SBNO1: variants seen among roughly 807,000 people sequenced by gnomAD.
The protein encoded by SBNO1 is strawberry notch homolog 1.
Under a neutral mutation model 173.6 loss-of-function variants are expected in SBNO1, and 23 were observed. The observed-to-expected ratio is 0.13, with a 90% confidence interval of 0.10 to 0.19. SBNO1 has a LOEUF of 0.19. Ranked by LOEUF, SBNO1 falls within the 10% of genes least tolerant of loss-of-function variation. The probability of loss-of-function intolerance (pLI) is 1.00; values close to 1 mark genes in which losing one functional copy is unlikely to be tolerated. For synonymous variants in SBNO1, 632 were observed against 571.5 expected (o/e 1.11, Z -1.51); for missense variants, 1,238 against 1,671.2 (o/e 0.74, Z 4.52).
Position 123,328,782 on chromosome 12 carries a change from A to G in SBNO1, c.1248T>C (p.Thr416=). 6.2e-7 allele frequency: 1 copy of G among 1,606,426 alleles called. No homozygotes were observed. Among genetic ancestry groups the G allele is most frequent in the South Asian group, 1.1e-5 (1 of 89,740 alleles). The change falls in exon 10 of 32, where the codon ACT becomes ACC. Residue 416 remains threonine, a synonymous_variant. Coordinates refer to ENST00000602398, the MANE Select transcript of SBNO1 (RefSeq NM_001167856.3). ...ACCAATGCAGAAGTTGTTTTAACCTAGTTTTATACTTGCCGCCAGACTGGC... is the reference window on the plus strand; with the variant it reads ...ACCAATGCAGAAGTTGTTTTAACCTGGTTTTATACTTGCCGCCAGACTGGC... ...GESQSGGKYK[T]RLKQLLHWCG... is the part of the protein sequence containing the mutation.
intron 4 of SBNO1, among the ~76,000 whole-genome samples, chr12:123,342,762 C>G (rs1593396321): frequency 6.6e-6 from 1 of 152,152 alleles, no homozygotes; most frequent in Admixed American, 6.5e-5. Flanking sequence ...CTGGAACCAG[C>G]CTTCAGCCTC....
intron 30 of SBNO1, among the ~76,000 whole-genome samples, chr12:123,301,944 T>G (rs1425028282): frequency 6.7e-6 from 1 of 148,774 alleles, no homozygotes; most frequent in Non-Finnish European, 1.5e-5. Context: ...AAAAGTGGTT[T>G]GTTTTTTTTT....
In SBNO1 at chr12:123,327,527, A is replaced by G; in HGVS notation, c.1591T>C (p.Tyr531His). The G allele has an allele frequency of 1.2e-6, 2 of 1,613,952 alleles. No homozygotes were observed. Among genetic ancestry groups the G allele is most frequent in the Non-Finnish European group, 1.7e-6 (2 of 1,179,850 alleles). The change falls in exon 13 of 32, where the codon TAC (tyrosine) becomes CAC (histidine). Residue 531 changes from tyrosine to histidine, a missense_variant. Transcript: ENST00000602398. ...GTAAAGCTCAGTTGTCGAGCAATGT[A>G]CATTCCTCTAAGCTTCATATCCATA... ...VAMDMKLRGM[Y>H]IARQLSFTGV...
chr12:123,302,757 G>A, intron 30 of SBNO1, 67 bp downstream of exon 30: 1 of 934,332 alleles, frequency 1.1e-6, no homozygotes, highest in Non-Finnish European at 1.8e-6. Flanking sequence ...TACTGATAAA[G>A]AGTGAAGGTG....
intron 1 of SBNO1, among the ~76,000 whole-genome samples, chr12:123,361,816 C>T (rs940917356): frequency 6.6e-6 from 1 of 151,918 alleles, no homozygotes; most frequent in South Asian, 2.1e-4. Flanking sequence ...AACTCAGTGT[C>T]TCCCCTTCAG....
At chr12:123,333,876 A>G (rs186374694) in intron 7 of SBNO1, among the ~76,000 whole-genome samples, 177 bp downstream of exon 7, 1 of 152,264 alleles carries the variant, frequency 6.6e-6, no homozygotes, top group African/African-American at 2.4e-5. Flanking sequence ...TCCACTGGAA[A>G]TGCACTATCT....
intron 9 of SBNO1, among the ~76,000 whole-genome samples, chr12:123,329,144 T>C (rs1870901953): frequency 6.6e-6 from 1 of 151,914 alleles, no homozygotes; most frequent in African/African-American, 2.4e-5. Context: ...CTTTGGGAGG[T>C]CAAGGTGGGT....
Position 123,298,050 on chromosome 12 carries a change from C to G in SBNO1, c.3967G>C (p.Ala1323Pro). 6.2e-7 allele frequency: 1 copy of G among 1,614,016 alleles called. No homozygotes were observed. Among genetic ancestry groups the G allele is most frequent in the Non-Finnish European group, 8.5e-7 (1 of 1,179,996 alleles). The change falls in exon 31 of 32, where the codon GCA (alanine) becomes CCA (proline). Residue 1323 changes from alanine to proline, a missense_variant. Coordinates refer to ENST00000602398, the MANE Select transcript of SBNO1 (RefSeq NM_001167856.3). ...SVWTKVEGVLASVSGTNVKMQ... is the reference protein window; with the variant it reads ...SVWTKVEGVLPSVSGTNVKMQ... Reference sequence around the variant, plus strand: ...TTCACGTTTGTGCCACTGACAGATGCTAGAACACCCTCAACTTTTGTCCAG... The same window carrying G: ...TTCACGTTTGTGCCACTGACAGATGGTAGAACACCCTCAACTTTTGTCCAG...
intron 28 of SBNO1, among the ~76,000 whole-genome samples, chr12:123,308,138 T>C (rs80205866): frequency 0.013 from 1,974 of 152,220 alleles, 19 homozygotes; most frequent in Admixed American, 0.021. Context: ...AAAATTTCTG[T>C]TGTCTTGGAT....
intron 7 of SBNO1, among the ~76,000 whole-genome samples, chr12:123,332,416 C>T (rs759913380): frequency 1.3e-5 from 2 of 152,090 alleles, no homozygotes; most frequent in Admixed American, 1.3e-4. Flanking sequence ...CTCAGCCTCC[C>T]GAGTAGCTAG....
chr12:123,317,953 TTATC>T (rs1485960034), intron 20 of SBNO1, among the ~76,000 whole-genome samples: 2 of 152,164 alleles, frequency 1.3e-5, no homozygotes, highest in African/African-American at 4.8e-5. Flanking sequence ...ATACGTAACA[TTATC>T]TTTTTGTATA....
chr12:123,327,780 T>C lies in SBNO1; in HGVS notation c.1465A>G (p.Asn489Asp), dbSNP rs1365566148. 6.2e-7 allele frequency: 1 copy of C among 1,613,896 alleles called. No homozygotes were observed. The highest frequency in any genetic ancestry group is 8.5e-7 in the Non-Finnish European group (1 of 1,179,916). ...CCCTCACCCCATATGCCAAGACGGT[T>C]CATATAGGCCATGTTGCGTGGTTCA... is the stretch of plus-strand genomic sequence containing the variant. ...ASEPRNMAYM[N>D]RLGIWGEGTP... Residue 489 changes from asparagine (N) to aspartate (D), a missense_variant, in exon 12 of 32, where the codon AAC becomes GAC. By Grantham distance (23) the Asn-to-Asp change is conservative (BLOSUM62 1). This residue lies in a region of SBNO1 where 182 missense variants were observed against 339.9 expected (regional missense o/e 0.54). Coordinates refer to ENST00000602398, the MANE Select transcript of SBNO1 (RefSeq NM_001167856.3).
At chr12:123,335,649 T>C (rs1339744422) in intron 6 of SBNO1, among the ~76,000 whole-genome samples, 2 of 152,208 alleles carry the variant, frequency 1.3e-5, no homozygotes, top group African/African-American at 4.8e-5. Flanking sequence ...TGCTGTAGTG[T>C]CAACGCAGCC....
Position 123,328,755 on chromosome 12 carries a change from G to A in SBNO1, c.1275C>T (p.Cys425=), listed in dbSNP as rs116030405. ...ATACCACTCCATCGAAGTCATCACC[G>A]CACCAATGCAGAAGTTGTTTTAACC... is the stretch of plus-strand genomic sequence containing the variant. ...KTRLKQLLHW[C]GDDFDGVIVF... Residue 425 remains cysteine (C), a synonymous_variant, in exon 10 of 32, where the codon TGC becomes TGT. Transcript: ENST00000602398. The A allele has an allele frequency of 6.1e-5, 96 of 1,583,130 alleles. No homozygotes were observed. The highest frequency in any genetic ancestry group is 1.6e-4 in the South Asian group (14 of 85,942).
chr12:123,294,168 C>G lies in SBNO1; in HGVS notation c.*1740G>C, dbSNP rs1362957024. On this transcript the variant is annotated 3_prime_UTR_variant, in exon 32 of 32. Transcript: ENST00000602398. ...GAACAGAAAGTACTTTCAATTTATTCTTTTAGGCACCAAGAATAAATAAAT... is the reference window on the plus strand; with the variant it reads ...GAACAGAAAGTACTTTCAATTTATTGTTTTAGGCACCAAGAATAAATAAAT... The G allele has an allele frequency of 6.6e-6, 1 of 152,178 alleles. No homozygotes were observed. Among genetic ancestry groups the G allele is most frequent in the African/African-American group, 2.4e-5 (1 of 41,446 alleles). 9.4% of individuals were successfully genotyped at this position (152,178 alleles called of 1,614,324 possible).
intron 1 of SBNO1, among the ~76,000 whole-genome samples, chr12:123,361,971 T>C (rs1355519213): frequency 1.4e-5 from 2 of 147,726 alleles, no homozygotes; most frequent in East Asian, 4.1e-4. Context: ...AAACCCCGTG[T>C]CTACTAAAAA....
At chr12:123,308,933 G>A (rs953222024) in intron 28 of SBNO1, among the ~76,000 whole-genome samples, 4 of 152,094 alleles carry the variant, frequency 2.6e-5, no homozygotes, top group Non-Finnish European at 5.9e-5. Flanking sequence ...AAGAAACCCC[G>A]TCTCTACTAA....
At chr12:123,327,297 C>T (rs1248016747) in intron 13 of SBNO1, 129 bp downstream of exon 13, 2 of 778,318 alleles carry the variant, frequency 2.6e-6, no homozygotes, top group Non-Finnish European at 2.1e-6. Context: ...AGACACCGTG[C>T]CTGGCTTCAT....
rs528676215 is a variant in SBNO1 at position 123,299,761 on chromosome 12, G to A, written c.3846-1590C>T. Among the ~76,000 whole-genome samples, 51 of 151,794 alleles carry A rather than the reference G, an allele frequency of 3.4e-4. 1 individual carries two copies. Among genetic ancestry groups the A allele is most frequent in the Admixed American group, 2.0e-3 (30 of 15,214 alleles). On this transcript the variant is annotated intron_variant, in intron 30 of 31. Transcript: ENST00000602398. ...CCAGCTACTCAGGTGGTTGAGGCACGAGAATCGCTTGAACCTGGGAGGCAG... is the reference window on the plus strand; with the variant it reads ...CCAGCTACTCAGGTGGTTGAGGCACAAGAATCGCTTGAACCTGGGAGGCAG...
Sources: gnomAD v4.1 joint callset for allele counts (sites outside exome capture counted in the v4.1 genomes callset) on GRCh38, gnomAD v4.1.1 for gene constraint, gnomAD v4.1.1 regional missense constraint, MANE v1.5 for transcripts, NCBI Gene and HGNC (gene_info 2026-07-23, HGNC 2026-07-21) for gene names.